The following BBIP1 variants were observed in gnomAD, a reference collection of about 807,000 sequenced individuals.
BBIP1 encodes BBSome interacting protein 1.
Under a neutral mutation model 8.9 loss-of-function variants are expected in BBIP1, and 6 were observed. The observed-to-expected ratio is 0.67, with a 90% CI of 0.37 to 1.33. BBIP1 has a LOEUF of 1.33. BBIP1 is among the 40% of genes most tolerant of loss of function. The pLI, the probability that BBIP1 is intolerant of heterozygous loss-of-function variation, is 0.02. For synonymous variants in BBIP1, 32 were observed against 33.4 expected (o/e 0.96, Z 0.14); for missense variants, 111 against 109.2 (o/e 1.02, Z -0.07).
intron 2 of BBIP1, among the ~76,000 whole-genome samples, chr10:110,908,584 G>A (rs534722195): frequency 1.3e-5 from 2 of 152,266 alleles, no homozygotes; most frequent in South Asian, 2.1e-4. Flanking sequence ...GAAGAAACAG[G>A]CACATAAGCG....
rs1845959839 is a variant in BBIP1, at chr10:110,900,356, T to C, written c.*4A>G. On this transcript the variant is annotated 3_prime_UTR_variant, in exon 4 of 4. Coordinates refer to ENST00000448814, the MANE Select transcript of BBIP1 (RefSeq NM_001195305.3). ...GGTTGTTCCCTAAAGTGCTCAGTTATCATTCAGTGGGTTATTTGCCGTTGA... is the reference window on the plus strand; with the variant it reads ...GGTTGTTCCCTAAAGTGCTCAGTTACCATTCAGTGGGTTATTTGCCGTTGA... 1.3e-6 allele frequency: 2 copies of C among 1,533,698 alleles called. No homozygotes were observed. Among genetic ancestry groups the C allele is most frequent in the Non-Finnish European group, 1.7e-6 (2 of 1,146,450 alleles).
At chr10:110,902,235 C>T (rs552646675) in intron 2 of BBIP1, 1 of 153,112 alleles carries the variant, frequency 6.5e-6, no homozygotes, top group Non-Finnish European at 1.5e-5. Flanking sequence ...CCTCTAATAC[C>T]GAGATTCTAT....
chr10:110,905,251 C>T (rs981364361), intron 2 of BBIP1, among the ~76,000 whole-genome samples: 1 of 152,142 alleles, frequency 6.6e-6, no homozygotes, highest in Non-Finnish European at 1.5e-5. Flanking sequence ...CAATCACATA[C>T]ATTTGGCAAG....
chr10:110,900,684 G>A, intron 3 of BBIP1, 158 bp from the exon 4 acceptor site: 1 of 623,226 alleles, frequency 1.6e-6, no homozygotes, highest in Non-Finnish European at 2.6e-6. Flanking sequence ...AAAGATCATT[G>A]TCATTCTATA....
intron 2 of BBIP1, chr10:110,906,664 A>G (rs1846149035): frequency 6.6e-6 from 1 of 152,254 alleles, no homozygotes; most frequent in Non-Finnish European, 1.5e-5. Flanking sequence ...GATTCAAGCA[A>G]TTCTCCTGCC....
At chr10:110,903,673 G>A (rs758560270) in intron 2 of BBIP1, 5 of 152,240 alleles carry the variant, frequency 3.3e-5, no homozygotes, top group Admixed American at 6.5e-5. Flanking sequence ...TGCATCATTA[G>A]GTGGTTCTGT....
chr10:110,911,551 T>C (rs889610437), intron 2 of BBIP1: 5 of 151,890 alleles, frequency 3.3e-5, no homozygotes, highest in African/African-American at 1.2e-4. Context: ...CTGGTGATTT[T>C]GGAATTGAAT....
chr10:110,905,272 C>G (rs760228537), intron 2 of BBIP1, among the ~76,000 whole-genome samples: 8 of 152,122 alleles, frequency 5.3e-5, no homozygotes, highest in Non-Finnish European at 1.2e-4. Flanking sequence ...TTAAAAATCC[C>G]TGGTGTGGGG....
At chr10:110,903,082 C>T (rs1277850477) in intron 2 of BBIP1, 1 of 152,132 alleles carries the variant, frequency 6.6e-6, no homozygotes, top group African/African-American at 2.4e-5. Context: ...GCAAACCTGA[C>T]ATGATACGCC....
chr10:110,918,059 C>T (rs902402920), intron 2 of BBIP1, 62 bp downstream of exon 2: 5 of 1,408,328 alleles, frequency 3.6e-6, no homozygotes, highest in Admixed American at 2.0e-5. Context: ...GAAATTAAGT[C>T]GAGAAGGTAG....
chr10:110,917,194 ATTT>A (rs67066048), intron 2 of BBIP1, among the ~76,000 whole-genome samples: 121 of 107,968 alleles, frequency 1.1e-3, no homozygotes, highest in African/African-American at 3.4e-3. Context: ...CTGGATCCTG[ATTT>A]TTTTTTTTTT....
intron 2 of BBIP1, among the ~76,000 whole-genome samples, chr10:110,917,194 ATTTTTTTTTT>A (rs67066048): frequency 2.8e-5 from 3 of 107,972 alleles, no homozygotes; most frequent in East Asian, 2.8e-4. Flanking sequence ...CTGGATCCTG[ATTTTTTTTTT>A]TTTTTTTTTT....
chr10:110,907,599 C>T (rs565821309), intron 2 of BBIP1: 48 of 523,526 alleles, frequency 9.2e-5, no homozygotes, highest in African/African-American at 8.3e-4. Flanking sequence ...GGTTTATCCA[C>T]AGGTCCATTT....
chr10:110,907,004 G>A (rs1846159760), intron 2 of BBIP1: 1 of 152,198 alleles, frequency 6.6e-6, no homozygotes, highest in Non-Finnish European at 1.5e-5. Flanking sequence ...TACTCAATTA[G>A]GTATTCCTTC....
intron 3 of BBIP1, 167 bp downstream of exon 3, chr10:110,901,371 T>C: frequency 5.0e-6 from 3 of 595,334 alleles, no homozygotes; most frequent in South Asian, 2.1e-5. Context: ...TCATTTGTTA[T>C]CCTTTTACTG....
At chr10:110,908,445 G>T (rs1846195877) in intron 2 of BBIP1, among the ~76,000 whole-genome samples, 2 of 152,102 alleles carry the variant, frequency 1.3e-5, no homozygotes, top group Non-Finnish European at 2.9e-5. Flanking sequence ...CCATTACTAA[G>T]AAAGGGTTAA....
intron 2 of BBIP1, among the ~76,000 whole-genome samples, chr10:110,905,182 A>T (rs1327447052): frequency 6.6e-6 from 1 of 152,186 alleles, no homozygotes; most frequent in Admixed American, 6.5e-5. Flanking sequence ...GAAATATTTT[A>T]CTCTGTTTTA....
chr10:110,900,571 AGTT>A (rs1228946895), intron 3 of BBIP1, 45 bp from the exon 4 acceptor site: 1 of 1,404,390 alleles, frequency 7.1e-7, no homozygotes, highest in East Asian at 2.6e-5. Context: ...AAGATAACCC[AGTT>A]GTTTGTAGTT....
chr10:110,918,465 G>A (rs557936918), intron 1 of BBIP1, among the ~76,000 whole-genome samples: 1 of 152,326 alleles, frequency 6.6e-6, no homozygotes, highest in East Asian at 1.9e-4. Flanking sequence ...TCCTTTTATA[G>A]GTGAAGGTGG....
Sources: allele counts gnomAD v4.1 joint callset (sites outside exome capture counted in the v4.1 genomes callset), GRCh38; gene constraint gnomAD v4.1.1; transcripts MANE v1.5; gene names NCBI Gene and HGNC (gene_info 2026-07-23, HGNC 2026-07-21).